Variants in LFNG observed in about 807,000 individuals in gnomAD.
The protein encoded by LFNG is beta-1,3-N-acetylglucosaminyltransferase lunatic fringe.
LFNG carries 15 observed loss-of-function variants against 32.7 expected under a neutral mutation model. The ratio of observed to expected loss-of-function variants is 0.46; its 90% confidence interval spans 0.31 to 0.71. The LOEUF (loss-of-function observed/expected upper bound fraction) is 0.71, where lower values mean the gene tolerates loss of function less well. LFNG is among the 30% of genes least tolerant of loss of function. The pLI is 0.06. For missense variants in LFNG, 520 were observed against 545.7 expected, an observed-to-expected ratio of 0.95 and a Z score of 0.47; for synonymous variants, 274 against 246.8, an observed-to-expected ratio of 1.11 and a Z score of -1.03.
At chr7:2,518,864 C>T (rs994698908), upstream of LFNG, among the ~76,000 whole-genome samples, 2 of 152,034 alleles carry the variant, frequency 1.3e-5, no homozygotes, top group African/African-American at 4.8e-5. Flanking sequence ...CCCTCACCCT[C>T]GGCTGCCGGC....
upstream of LFNG, among the ~76,000 whole-genome samples, chr7:2,514,382 C>T (rs1248725179): frequency 2.0e-5 from 3 of 152,232 alleles, no homozygotes; most frequent in Admixed American, 6.5e-5. Context: ...TGGGGCACAG[C>T]CAAGAATCAC....
chr7:2,526,941 G>A lies in LFNG; in HGVS notation c.1073+20G>A, dbSNP rs1779998613. On this transcript the variant is annotated intron_variant, in intron 7 of 7. Coordinates refer to ENST00000222725, the MANE Select transcript of LFNG (RefSeq NM_001040167.2). The surrounding 1 kb of genome is among the most constrained non-coding windows in gnomAD (Gnocchi z 6.9). ...ATCCAGGTAAGGAAACCCCGGCCCA[G>A]ATGGGCTTGCGTAGGGTGGCCTAGG... The A allele has an allele frequency of 6.2e-7, 1 of 1,610,330 alleles. No individual in the cohort carries two copies. The highest frequency in any genetic ancestry group is 8.5e-7 in the Non-Finnish European group (1 of 1,178,314).
At chr7:2,512,838 G>T in intron 1 of LFNG, 1 of 811,640 alleles carries the variant, frequency 1.2e-6, no homozygotes, top group East Asian at 2.7e-5. Context: ...TTTATCTCCA[G>T]CCTCACCTCC....
chr7:2,524,889 C>T (rs768490236), intron 2 of LFNG, 146 bp downstream of exon 2: 19 of 748,242 alleles, frequency 2.5e-5, no homozygotes, highest in Non-Finnish European at 4.3e-5. Context: ...TGCTCCATGC[C>T]CCGCCCCACC....
chr7:2,526,152 G>A lies in LFNG; in HGVS notation c.822-92G>A. 1 of 1,404,846 alleles carries A rather than the reference G, an allele frequency of 7.1e-7. No homozygotes were observed. Among genetic ancestry groups the A allele is most frequent in the Non-Finnish European group, 9.9e-7 (1 of 1,008,084 alleles). The allele number at this position is 1,404,846 out of a possible 1,614,324, so 87.0% of individuals were successfully genotyped here. On this transcript the variant is annotated intron_variant, in intron 5 of 7. Coordinates refer to ENST00000222725, the MANE Select transcript of LFNG (RefSeq NM_001040167.2). This position sits in a 1 kb window ranked among gnomAD's most constrained non-coding sequence, Gnocchi z 6.9. ...CTCTCCTCAGGGCTCCTCTCCCTGAGGAGTGCAGCGCCTTTGCCTGGTGGG... is the reference window on the plus strand; with the variant it reads ...CTCTCCTCAGGGCTCCTCTCCCTGAAGAGTGCAGCGCCTTTGCCTGGTGGG...
At chr7:2,512,715 T>A in intron 1 of LFNG, 1 of 1,613,152 alleles carries the variant, frequency 6.2e-7, no homozygotes, top group South Asian at 1.1e-5. Flanking sequence ...GGCCTCAGGG[T>A]TGCTTTTCCT....
chr7:2,517,956 G>A (rs1779668809), upstream of LFNG: 1 of 1,140,962 alleles, frequency 8.8e-7, no homozygotes, highest in South Asian at 1.8e-5. Flanking sequence ...TAGGATAGGA[G>A]TGGGTGGGAT....
Position 2,519,916 on chromosome 7 carries a change from G to A in LFNG, c.55G>A (p.Ala19Thr). 2 of 1,085,538 alleles carry A rather than the reference G, an allele frequency of 1.8e-6. No individual in the cohort carries two copies. Among genetic ancestry groups the A allele is most frequent in the South Asian group, 3.1e-5 (1 of 32,276 alleles). The allele number at this position is 1,085,538 out of a possible 1,614,324, so 67.2% of individuals were successfully genotyped here. A position where few individuals can be genotyped will look rare whatever the true frequency, so the allele number is the denominator to read the frequency against. Residue 19 changes from alanine (A) to threonine (T), a missense_variant, in exon 1 of 8, where the codon GCC becomes ACC. Physicochemically the swap from Ala to Thr is moderately conservative, Grantham distance 58 (BLOSUM62 0). This residue lies in a region of LFNG where 360 missense variants were observed against 354.7 expected (regional missense o/e 1.01). Coordinates refer to ENST00000222725, the MANE Select transcript of LFNG (RefSeq NM_001040167.2). The part of the protein sequence containing the change: ...LLLALAGALL[A>T]CLLVLTADPP... ...GCTGGCGCTGGCGGGCGCGCTGCTC[G>A]CCTGCCTGCTGGTGCTCACCGCCGA...
chr7:2,512,788 C>G lies in LFNG; in HGVS notation c.47+87C>G, dbSNP rs912041976. ...AACCTGGAGCCCCCTATGTCTCCCCCAGTACCCCTGCATTCTACACCTAGA... is the reference window on the plus strand; with the variant it reads ...AACCTGGAGCCCCCTATGTCTCCCCGAGTACCCCTGCATTCTACACCTAGA... On this transcript the variant is annotated intron_variant, in intron 1 of 8. Coordinates refer to the LFNG transcript ENST00000402506. The G allele has an allele frequency of 7.6e-5, 90 of 1,184,472 alleles. No individual in the cohort carries two copies. The African/African-American group carries it at 1.3e-3, about 17-fold the overall frequency. The allele number at this position is 1,184,472 out of a possible 1,614,324, so 73.4% of individuals were successfully genotyped here. A position where few individuals can be genotyped will look rare whatever the true frequency, so the allele number is the denominator to read the frequency against.
chr7:2,518,480 C>T, upstream of LFNG: 12 of 857,444 alleles, frequency 1.4e-5, no homozygotes, highest in Middle Eastern at 2.2e-4. Flanking sequence ...GAGGGTCTGA[C>T]AGTGGGGCCA....
At chr7:2,518,573 G>A (rs1373599087), upstream of LFNG, 4 of 1,580,346 alleles carry the variant, frequency 2.5e-6, no homozygotes, top group African/African-American at 5.4e-5. Context: ...GGTCGCTGCT[G>A]TCTTGCGGCT....
downstream of LFNG, chr7:2,529,161 G>A: frequency 3.2e-6 from 1 of 308,182 alleles, no homozygotes; most frequent in Non-Finnish European, 6.0e-6. The surrounding 1 kb of genome is among the most constrained non-coding windows in gnomAD (Gnocchi z 4.2). Context: ...GCTCTGCGGT[G>A]CTTTTCCTTC....
chr7:2,512,782 C>G, intron 1 of LFNG: 1 of 1,257,462 alleles, frequency 8.0e-7, no homozygotes, highest in East Asian at 2.3e-5. Context: ...CCCCCTATGT[C>G]TCCCCCAGTA....
At chr7:2,515,824 A>G (rs1183207997), upstream of LFNG, among the ~76,000 whole-genome samples, 1 of 152,144 alleles carries the variant, frequency 6.6e-6, no homozygotes, top group African/African-American at 2.4e-5. Context: ...TGGGGGTGCT[A>G]CTCACAGCTG....
rs371194688 is a variant in LFNG at position 2,526,810 on chromosome 7, G to A, written c.988-26G>A. 93 of 1,609,398 alleles carry A rather than the reference G, an allele frequency of 5.8e-5. No homozygotes were observed. The highest frequency in any genetic ancestry group is 3.5e-4 in the African/African-American group (26 of 74,914). On this transcript the variant is annotated intron_variant, in intron 6 of 7. Transcript: ENST00000222725. The surrounding 1 kb of genome is among the most constrained non-coding windows in gnomAD (Gnocchi z 6.9). ...GGCCCAGGGATGTCGGGCCCCTCCC[G>A]GCATCACTCCGCCCGCTCCCCACAG...
In LFNG at chr7:2,527,056, G is replaced by T. The variant is rs1356591221; in HGVS notation, c.1074-90G>T. 1.4e-6 allele frequency: 2 copies of T among 1,461,436 alleles called. No homozygotes were observed. The highest frequency in any genetic ancestry group is 2.8e-5 in the African/African-American group (2 of 71,456). The allele number at this position is 1,461,436 out of a possible 1,614,324, so 90.5% of individuals were successfully genotyped here. Reference sequence around the variant, plus strand: ...TGTCCCCCGGAGTCCTGCTTGCTCGGGGTGGGGCCGCCAGTGTTGTGGGAC... The same window carrying T: ...TGTCCCCCGGAGTCCTGCTTGCTCGTGGTGGGGCCGCCAGTGTTGTGGGAC... On this transcript the variant is annotated intron_variant, in intron 7 of 7. Coordinates refer to ENST00000222725, the MANE Select transcript of LFNG (RefSeq NM_001040167.2). This position sits in a 1 kb window ranked among gnomAD's most constrained non-coding sequence, Gnocchi z 4.4.
Position 2,526,444 on chromosome 7 carries a change from G to T in LFNG, c.987+35G>T, listed in dbSNP as rs1779978409. ...CCTCCGGGCCCCGCCAGGACTCCGA[G>T]AGCACAGGAAGGGACGTGTGGCTGC... is the stretch of plus-strand genomic sequence containing the variant. On this transcript the variant is annotated intron_variant, in intron 6 of 7. Coordinates refer to ENST00000222725, the MANE Select transcript of LFNG (RefSeq NM_001040167.2). The surrounding 1 kb of genome is among the most constrained non-coding windows in gnomAD (Gnocchi z 6.9). The T allele has an allele frequency of 1.9e-6, 3 of 1,600,796 alleles. No individual in the cohort carries two copies. In the African/African-American group the frequency reaches 4.0e-5, roughly 21 times the overall value.
downstream of LFNG, chr7:2,528,999 T>C (rs897465890): frequency 1.0e-5 from 5 of 480,394 alleles, no homozygotes; most frequent in East Asian, 1.4e-4. Flanking sequence ...CTGGTAATGC[T>C]GCACCTCCCT....
At chr7:2,519,280 G>C (rs949609338), upstream of LFNG, among the ~76,000 whole-genome samples, 1 of 152,170 alleles carries the variant, frequency 6.6e-6, no homozygotes, top group African/African-American at 2.4e-5. Flanking sequence ...AGACCCAGGC[G>C]CCACCCCAGT....
Sources: allele counts gnomAD v4.1 joint callset (sites outside exome capture counted in the v4.1 genomes callset), GRCh38; gene constraint gnomAD v4.1.1; regional missense constraint gnomAD v4.1.1; non-coding constraint Gnocchi (gnomAD v3.1); transcripts MANE v1.5; gene names NCBI Gene and HGNC (gene_info 2026-07-23, HGNC 2026-07-21).